NBPF9: variants seen among roughly 807,000 people sequenced by gnomAD.
The protein encoded by NBPF9 is NBPF family member NBPF9.
In NBPF9, 91 loss-of-function variants were observed where a neutral mutation model predicts 97.8. The ratio of observed to expected loss-of-function variants is 0.93; its 90% CI spans 0.79 to 1.11. The LOEUF is 1.11. Among genes scored for constraint, NBPF9 ranks in the 50% least tolerant of loss-of-function variants. NBPF9 has a pLI of 0.00. For missense variants in NBPF9, 992 were observed against 939.5 expected (o/e 1.06, Z -0.73); for synonymous variants, 334 against 359.5 (o/e 0.93, Z 0.80).
intron 15 of NBPF9, 105 bp from the exon 16 acceptor site, chr1:149,071,244 C>G: frequency 2.3e-6 from 3 of 1,277,986 alleles, no homozygotes; most frequent in Non-Finnish European, 3.4e-6. Flanking sequence ...AGAGTGGTCC[C>G]AGAAAGCAAA....
intron 11 of NBPF9, among the ~76,000 whole-genome samples, 181 bp downstream of exon 11, chr1:149,077,027 T>A (rs1318460529): frequency 6.6e-6 from 1 of 150,682 alleles, no homozygotes; most frequent in Admixed American, 6.6e-5. Flanking sequence ...ACTCCTGAAC[T>A]CAAGTCATCG....
intron 7 of NBPF9, among the ~76,000 whole-genome samples, chr1:149,080,674 G>A (rs1288310259): frequency 3.4e-5 from 5 of 148,600 alleles, no homozygotes; most frequent in African/African-American, 1.0e-4. Context: ...AGCATAAAGT[G>A]TGAGACATAA....
chr1:149,078,761 T>C (rs1278830237), intron 9 of NBPF9, among the ~76,000 whole-genome samples: 49 of 133,608 alleles, frequency 3.7e-4, no homozygotes, highest in South Asian at 1.0e-3. Context: ...TAAAACTAGA[T>C]AGATGCTGCC....
chr1:149,055,819 A>C (rs782070653), exon 30 of NBPF9: 2 of 1,608,124 alleles, frequency 1.2e-6, no homozygotes, highest in South Asian at 2.2e-5. Flanking sequence ...TTCAAAGTAC[A>C]TTGACGGAGT....
intron 23 of NBPF9, chr1:149,060,961 T>G: frequency 2.4e-6 from 1 of 416,982 alleles, no homozygotes; most frequent in Non-Finnish European, 4.3e-6. Flanking sequence ...CAGTGAATTG[T>G]CCAGATGACA....
At chr1:149,055,728 G>A (rs782642164) in exon 30 of NBPF9, 7 of 1,611,710 alleles carry the variant, frequency 4.3e-6, no homozygotes, top group Admixed American at 3.3e-5. Flanking sequence ...AAAACCTATT[G>A]TCCACGTAAA....
intron 12 of NBPF9, among the ~76,000 whole-genome samples, chr1:149,074,304 C>T (rs1325673988): frequency 6.6e-6 from 1 of 151,140 alleles, no homozygotes; most frequent in Non-Finnish European, 1.5e-5. Context: ...ATTTCAAGGA[C>T]AAGTATGCGA....
chr1:149,053,944 T>C (rs1168518671), downstream of NBPF9: 1 of 146,578 alleles, frequency 6.8e-6, no homozygotes, highest in Admixed American at 6.7e-5. Context: ...TCACGAAGAA[T>C]ACAAATGACT....
intron 13 of NBPF9, 85 bp from the exon 14 acceptor site, chr1:149,073,017 T>A (rs2079545894): frequency 6.7e-7 from 1 of 1,485,460 alleles, no homozygotes. Flanking sequence ...TCTGAAACAG[T>A]GTCCTCAAGG....
intron 3 of NBPF9, among the ~76,000 whole-genome samples, chr1:149,099,606 TAAC>T (rs1405908985): frequency 6.6e-6 from 1 of 151,630 alleles, no homozygotes; most frequent in Admixed American, 6.6e-5. Context: ...ATAATCATAA[TAAC>T]AACAATGAAT....
chr1:149,055,327 G>C (rs1343192213), exon 30 of NBPF9: 2 of 501,592 alleles, frequency 4.0e-6, no homozygotes, highest in East Asian at 4.3e-5. Flanking sequence ...CCTTGAGCAG[G>C]TATAGAAGCT....
At chr1:149,099,821 A>G (rs2082029650) in intron 3 of NBPF9, among the ~76,000 whole-genome samples, 1 of 151,520 alleles carries the variant, frequency 6.6e-6, no homozygotes, top group East Asian at 2.0e-4. Flanking sequence ...CCTGTCTACA[A>G]AAAATAGAAA....
At chr1:149,098,037 G>C (rs2152926212) in intron 4 of NBPF9, among the ~76,000 whole-genome samples, 1 of 152,146 alleles carries the variant, frequency 6.6e-6, no homozygotes, top group East Asian at 1.9e-4. Context: ...GATGCAGGTG[G>C]ACAGGGAGGG....
intron 5 of NBPF9, among the ~76,000 whole-genome samples, chr1:149,086,294 A>C (rs1378976800): frequency 6.6e-6 from 1 of 151,850 alleles, no homozygotes; most frequent in Non-Finnish European, 1.5e-5. Context: ...AAAAAAAAAG[A>C]AGCCAGTGCC....
chr1:149,074,778 T>C (rs2079707447), intron 12 of NBPF9, among the ~76,000 whole-genome samples: 1 of 150,862 alleles, frequency 6.6e-6, no homozygotes, highest in Admixed American at 6.6e-5. Flanking sequence ...CAAGCTACTC[T>C]CTGCTTTTTA....
At chr1:149,052,291 A>C (rs11490269), downstream of NBPF9, among the ~76,000 whole-genome samples, 4 of 152,120 alleles carry the variant, frequency 2.6e-5, no homozygotes, top group Non-Finnish European at 4.4e-5. Context: ...GTACTAAGAG[A>C]ACAAATATAA....
At chr1:149,062,054 C>G (rs782260449) in intron 22 of NBPF9, 39 bp downstream of exon 22, 14 of 821,554 alleles carry the variant, frequency 1.7e-5, no homozygotes, top group Non-Finnish European at 2.9e-5. Flanking sequence ...ATCTGGAAGA[C>G]CAGGTGGAGG....
chr1:149,084,294 T>C (rs1267205384), intron 5 of NBPF9, among the ~76,000 whole-genome samples: 1 of 147,524 alleles, frequency 6.8e-6, no homozygotes, highest in African/African-American at 2.5e-5. Context: ...TACACATATA[T>C]ACATGTATAC....
chr1:149,094,896 C>CAGATT (rs1296131387), intron 4 of NBPF9, among the ~76,000 whole-genome samples: 1 of 146,600 alleles, frequency 6.8e-6, no homozygotes, highest in African/African-American at 2.7e-5. Flanking sequence ...ATGATATTGA[C>CAGATT]AGATTACTAG....
Sources: allele counts gnomAD v4.1 joint callset (sites outside exome capture counted in the v4.1 genomes callset), GRCh38; gene constraint gnomAD v4.1.1; transcripts MANE v1.5; gene names NCBI Gene and HGNC (gene_info 2026-07-23, HGNC 2026-07-21).